Variants in CALN1 observed in about 807,000 individuals in gnomAD.
CALN1 encodes the protein calcium-binding protein 8.
A neutral mutation model predicts 30.6 loss-of-function variants in CALN1; 17 were observed. The ratio of observed to expected loss-of-function variants is 0.56; its 90% CI spans 0.38 to 0.83. The LOEUF is 0.83. Ranked by LOEUF, CALN1 falls within the 40% of genes least tolerant of loss-of-function variation. The probability of loss-of-function intolerance (pLI) is 0.00; values close to 1 mark genes in which losing one functional copy is unlikely to be tolerated. For synonymous variants in CALN1, 156 were observed against 131.4 expected, an observed-to-expected ratio of 1.19 and a Z score of -1.28; for missense variants, 291 against 354.9, an observed-to-expected ratio of 0.82 and a Z score of 1.45.
At chr7:72,245,908 A>G (rs1795126717) in intron 3 of CALN1, among the ~76,000 whole-genome samples, 1 of 152,168 alleles carries the variant, frequency 6.6e-6, no homozygotes, top group Non-Finnish European at 1.5e-5. Flanking sequence ...GTAGCTGGCC[A>G]CAAGGTCTCA....
At chr7:72,139,582 C>CA (rs1439120110) in intron 3 of CALN1, among the ~76,000 whole-genome samples, 1 of 151,776 alleles carries the variant, frequency 6.6e-6, no homozygotes, top group East Asian at 1.9e-4. Flanking sequence ...ACATCGGCCA[C>CA]ACCCCTTTCT....
intron 2 of CALN1, among the ~76,000 whole-genome samples, chr7:72,288,701 G>A (rs1485433200): frequency 1.3e-5 from 2 of 151,856 alleles, no homozygotes; most frequent in Non-Finnish European, 2.9e-5. Context: ...TTTTTATATG[G>A]CTTTTACTCA....
chr7:72,169,204 C>G (rs748396328), intron 3 of CALN1, among the ~76,000 whole-genome samples: 99 of 152,014 alleles, frequency 6.5e-4, no homozygotes, highest in Admixed American at 7.2e-4. Flanking sequence ...TCTCACTGCA[C>G]CACATAAAAA....
intron 2 of CALN1, among the ~76,000 whole-genome samples, chr7:72,394,669 T>C (rs528047030): frequency 6.6e-6 from 1 of 151,996 alleles, no homozygotes; most frequent in East Asian, 1.9e-4. Context: ...TGACTTTTTT[T>C]TTTTTTTTTT....
At chr7:71,873,270 A>G (rs979588389) in intron 5 of CALN1, among the ~76,000 whole-genome samples, 7 of 151,952 alleles carry the variant, frequency 4.6e-5, no homozygotes, top group African/African-American at 1.7e-4. Flanking sequence ...AGGCTCCCAA[A>G]GTGCTGGGAT....
At chr7:72,454,980 C>T in the CALN1 span, among the ~76,000 whole-genome samples, 1 of 152,028 alleles carries the variant, frequency 6.6e-6, no homozygotes, top group Non-Finnish European at 1.5e-5. Flanking sequence ...TACAGGCATG[C>T]CCCACCATGC....
At chr7:71,850,130 T>C in intron 5 of CALN1, among the ~76,000 whole-genome samples, 1 of 152,200 alleles carries the variant, frequency 6.6e-6, no homozygotes, top group Non-Finnish European at 1.5e-5. Flanking sequence ...TGTCCATCAT[T>C]AGAAAAACTA....
chr7:72,146,019 T>G (rs1365303015), intron 3 of CALN1, among the ~76,000 whole-genome samples: 2 of 152,206 alleles, frequency 1.3e-5, no homozygotes, highest in African/African-American at 4.8e-5. Flanking sequence ...AGTATCATAC[T>G]GAATGGGCAA....
chr7:72,164,621 T>C lies in CALN1; in HGVS notation c.245-58327A>G, dbSNP rs773828160. Among the ~76,000 whole-genome samples, 209 of 152,184 alleles carry C rather than the reference T, an allele frequency of 1.4e-3. 3 individuals carry two copies. Among genetic ancestry groups the C allele is most frequent in the Non-Finnish European group, 2.8e-4 (19 of 68,026 alleles). ...CTGACACTGTTTTAAGCCACTCAGT[T>C]CATAGTACACTTTGTGATGGCAGCC... On this transcript the variant is annotated intron_variant, in intron 3 of 6. Coordinates refer to ENST00000395275, the MANE Select transcript of CALN1 (RefSeq NM_031468.4).
intron 4 of CALN1, among the ~76,000 whole-genome samples, chr7:72,037,964 C>A (rs1255072043): frequency 3.3e-5 from 5 of 152,106 alleles, no homozygotes; most frequent in African/African-American, 9.7e-5. Flanking sequence ...TTGGGGAAGG[C>A]GAGATGGAGG....
At chr7:72,389,416 A>G (rs201724977) in intron 2 of CALN1, among the ~76,000 whole-genome samples, 1 of 152,174 alleles carries the variant, frequency 6.6e-6, no homozygotes, top group Non-Finnish European at 1.5e-5. Flanking sequence ...TTAGGAAAAT[A>G]ATTTTTAAGC....
chr7:71,841,120 G>A (rs1021356987), intron 5 of CALN1, among the ~76,000 whole-genome samples: 2 of 152,178 alleles, frequency 1.3e-5, no homozygotes, highest in African/African-American at 4.8e-5. Flanking sequence ...AAGGACAAAA[G>A]GAAGTGCCAT....
chr7:72,344,977 ATATT>A lies in CALN1; in HGVS notation c.119+58270_119+58273del, dbSNP rs1318737328. Among the ~76,000 whole-genome samples, 7 of 147,220 alleles carry A rather than the reference ATATT, an allele frequency of 4.8e-5. No homozygotes were observed. In the South Asian group the frequency reaches 6.3e-4, roughly 13 times the overall value. On this transcript the variant is annotated intron_variant, in intron 2 of 6. Transcript: ENST00000395275. ...ATGTGGTATTTATATTTATATATAA[ATATT>A]TATAAAAATAATGATATATAATACA...
intron 5 of CALN1, among the ~76,000 whole-genome samples, chr7:72,007,892 T>TTGAA (rs1255837769): frequency 1.3e-5 from 2 of 152,154 alleles, no homozygotes; most frequent in African/African-American, 4.8e-5. Flanking sequence ...TAAGCCTCTG[T>TTGAA]TGAATGAATG....
At chr7:71,887,745 G>GC (rs777687262) in intron 5 of CALN1, among the ~76,000 whole-genome samples, 6 of 152,176 alleles carry the variant, frequency 3.9e-5, no homozygotes, top group Non-Finnish European at 8.8e-5. Flanking sequence ...AGGAGGCAAT[G>GC]CAAGTAAAAC....
intron 4 of CALN1, among the ~76,000 whole-genome samples, chr7:72,034,795 C>CAA (rs57756121): frequency 0.048 from 2,477 of 51,944 alleles, 201 homozygotes; most frequent in East Asian, 0.15. Flanking sequence ...GACTCTGTCT[C>CAA]AAAAAAAAAA....
chr7:71,821,095 A>G (rs986493058), intron 5 of CALN1, among the ~76,000 whole-genome samples: 1 of 152,192 alleles, frequency 6.6e-6, no homozygotes, highest in African/African-American at 2.4e-5. Flanking sequence ...CCTAGGATGC[A>G]GTAGAATGTA....
chr7:72,119,480 C>T (rs933094446), intron 3 of CALN1, among the ~76,000 whole-genome samples: 3 of 151,114 alleles, frequency 2.0e-5, no homozygotes, highest in African/African-American at 7.3e-5. Flanking sequence ...GAGGACAAAA[C>T]CAAACCATAT....
intron 2 of CALN1, among the ~76,000 whole-genome samples, chr7:72,341,884 A>C (rs2968510): frequency 4.6e-5 from 7 of 152,112 alleles, no homozygotes; most frequent in Non-Finnish European, 7.4e-5. Flanking sequence ...CACAAACACA[A>C]ATCAAAGACC....
Sources: gnomAD v4.1 joint callset for allele counts (sites outside exome capture counted in the v4.1 genomes callset) on GRCh38, gnomAD v4.1.1 for gene constraint, MANE v1.5 for transcripts, NCBI Gene and HGNC (gene_info 2026-07-23, HGNC 2026-07-21) for gene names.